AATF: variants seen among roughly 807,000 people sequenced by gnomAD.
AATF encodes protein AATF.
In AATF, 48 loss-of-function variants were observed where a neutral mutation model predicts 63.7. That is an observed-to-expected ratio of 0.75 (90% CI 0.60 to 0.96). The LOEUF (loss-of-function observed/expected upper bound fraction) is 0.96. Ranked by LOEUF, AATF falls within the 40% of genes least tolerant of loss-of-function variation. The probability of loss-of-function intolerance (pLI) is 0.00; values close to 1 mark genes in which losing one functional copy is unlikely to be tolerated. For synonymous variants in AATF, 258 were observed against 247.7 expected, an observed-to-expected ratio of 1.04 and a Z score of -0.39; for missense variants, 639 against 685.7, an observed-to-expected ratio of 0.93 and a Z score of 0.76.
At chr17:37,002,804 C>G in intron 8 of AATF, among the ~76,000 whole-genome samples, 1 of 151,738 alleles carries the variant, frequency 6.6e-6, no homozygotes, top group East Asian at 1.9e-4. Flanking sequence ...GAAAGCTGTC[C>G]CATGTCCATG....
intron 4 of AATF, among the ~76,000 whole-genome samples, chr17:36,981,052 T>C (rs1269835456): frequency 2.6e-5 from 4 of 152,106 alleles, no homozygotes; most frequent in Non-Finnish European, 4.4e-5. Context: ...GTGTATAAAA[T>C]GAGAACATAT....
At chr17:36,958,313 C>T (rs144772867) in intron 4 of AATF, among the ~76,000 whole-genome samples, 2,493 of 152,164 alleles carry the variant, frequency 0.016, 62 homozygotes, top group African/African-American at 0.055. Flanking sequence ...CAGGCGCATG[C>T]CACCACACCC....
At chr17:36,998,861 T>C (rs1260940988) in intron 8 of AATF, 1 of 152,234 alleles carries the variant, frequency 6.6e-6, no homozygotes, top group Admixed American at 6.5e-5. Flanking sequence ...AGTGTGACTT[T>C]AATAAAATTA....
At chr17:36,954,473 C>G (rs1260193600) in intron 4 of AATF, among the ~76,000 whole-genome samples, 2 of 152,150 alleles carry the variant, frequency 1.3e-5, no homozygotes, top group Non-Finnish European at 1.5e-5. Context: ...GCTCATTAAA[C>G]TTGGTTGTAT....
chr17:37,023,824 A>G (rs1430946777), intron 10 of AATF, among the ~76,000 whole-genome samples: 1 of 152,068 alleles, frequency 6.6e-6, no homozygotes, highest in Non-Finnish European at 1.5e-5. Flanking sequence ...GATTGGTTCC[A>G]GGACGCACAA....
chr17:36,950,008 C>G lies in AATF; in HGVS notation c.92-206C>G, dbSNP rs147712048. On this transcript the variant is annotated intron_variant, in intron 1 of 11. Transcript: ENST00000619387. ...ATCCAAGTCATAGAAATAGATCCCA[C>G]TAGTAGATGCCAGGAGTCAACTTTC... Among the ~76,000 whole-genome samples the G allele has an allele frequency of 1.3e-4, 20 of 152,346 alleles. 1 individual carries two copies. The East Asian group carries it at 3.7e-3, about 28-fold the overall frequency.
intron 6 of AATF, 34 bp from the exon 7 acceptor site, chr17:36,989,213 C>T (rs770195207): frequency 1.9e-6 from 3 of 1,579,076 alleles, no homozygotes; most frequent in Non-Finnish European, 2.6e-6. Context: ...CACTGATTTT[C>T]TGCATTATCT....
chr17:37,041,033 A>T (rs1448677461), intron 11 of AATF, among the ~76,000 whole-genome samples: 1 of 152,202 alleles, frequency 6.6e-6, no homozygotes, highest in Non-Finnish European at 1.5e-5. Context: ...GTGCATGCTT[A>T]TGGAAGAAAA....
intron 11 of AATF, among the ~76,000 whole-genome samples, chr17:37,037,882 T>A (rs1348442354): frequency 6.6e-6 from 1 of 152,132 alleles, no homozygotes; most frequent in Non-Finnish European, 1.5e-5. Context: ...GAGATCTGGT[T>A]GTTTAGCAGT....
At chr17:36,979,535 G>GA (rs1454376610) in intron 4 of AATF, among the ~76,000 whole-genome samples, 1 of 151,872 alleles carries the variant, frequency 6.6e-6, no homozygotes, top group Non-Finnish European at 1.5e-5. Flanking sequence ...TTTTGAAGGA[G>GA]AAAAAAATGC....
intron 8 of AATF, among the ~76,000 whole-genome samples, chr17:37,016,044 C>T (rs762080870): frequency 9.7e-4 from 147 of 152,292 alleles, no homozygotes; most frequent in Non-Finnish European, 1.8e-3. Context: ...TGGTAACTGC[C>T]AGAGAGCTGA....
intron 8 of AATF, among the ~76,000 whole-genome samples, chr17:37,015,163 C>T (rs1014906522): frequency 3.9e-5 from 6 of 152,156 alleles, no homozygotes; most frequent in African/African-American, 1.4e-4. Flanking sequence ...GTTTATTATT[C>T]GGAATCTCTG....
At chr17:36,995,895 A>G (rs2071251299) in intron 8 of AATF, among the ~76,000 whole-genome samples, 1 of 152,072 alleles carries the variant, frequency 6.6e-6, no homozygotes, top group Non-Finnish European at 1.5e-5. Flanking sequence ...TACTATTGGC[A>G]TATATCTTTC....
At chr17:37,002,603 C>T (rs556828359) in intron 8 of AATF, among the ~76,000 whole-genome samples, 22 of 150,342 alleles carry the variant, frequency 1.5e-4, no homozygotes, top group Non-Finnish European at 2.5e-4. Flanking sequence ...ACCCAGGAGG[C>T]GGAGCTTGCA....
chr17:37,039,717 A>G (rs1414393550), intron 11 of AATF, among the ~76,000 whole-genome samples: 1 of 152,200 alleles, frequency 6.6e-6, no homozygotes, highest in Non-Finnish European at 1.5e-5. Flanking sequence ...GACAAAGGAA[A>G]CACTCTCAAG....
chr17:36,953,856 C>G lies in AATF; in HGVS notation c.781C>G (p.Pro261Ala). Residue 261 changes from proline to alanine, a missense_variant, in exon 4 of 12, where the codon CCA becomes GCA. By Grantham distance (27) the Pro-to-Ala change is conservative. Coordinates refer to ENST00000619387, the MANE Select transcript of AATF (RefSeq NM_012138.4). The stretch of plus-strand genomic sequence containing the variant: ...CCAGCTTCCTCAACCAGATGTTTTC[C>G]CATTGTTCAAGGACAAAGGTGGCCC... ...TNQLPQPDVFPLFKDKGGPEF... is the reference protein window; with the variant it reads ...TNQLPQPDVFALFKDKGGPEF... The G allele has an allele frequency of 6.2e-7, 1 of 1,614,140 alleles. No individual in the cohort carries two copies. The highest frequency in any genetic ancestry group is 8.5e-7 in the Non-Finnish European group (1 of 1,180,020).
intron 11 of AATF, among the ~76,000 whole-genome samples, chr17:37,040,161 A>G (rs963549711): frequency 2.0e-5 from 3 of 152,208 alleles, no homozygotes; most frequent in Non-Finnish European, 4.4e-5. Flanking sequence ...ATCACAGCTA[A>G]GTAACTGGCA....
At chr17:37,027,248 A>G (rs1567988910) in intron 10 of AATF, among the ~76,000 whole-genome samples, 2 of 152,224 alleles carry the variant, frequency 1.3e-5, no homozygotes, top group African/African-American at 4.8e-5. Context: ...CAGAAATCAT[A>G]ATGTAAATGG....
At chr17:36,983,664 A>T (rs999133417) in intron 4 of AATF, among the ~76,000 whole-genome samples, 10 of 152,136 alleles carry the variant, frequency 6.6e-5, no homozygotes, top group Admixed American at 5.2e-4. Context: ...TTTTTTTCTT[A>T]AGACAGAGAG....
Sources: allele counts gnomAD v4.1 joint callset (sites outside exome capture counted in the v4.1 genomes callset), GRCh38; gene constraint gnomAD v4.1.1; transcripts MANE v1.5; gene names NCBI Gene and HGNC (gene_info 2026-07-23, HGNC 2026-07-21).